NTM: variants seen among roughly 807,000 people sequenced by gnomAD.
The protein encoded by NTM is IgLON family member 2.
A neutral mutation model predicts 42.1 loss-of-function variants in NTM; 13 were observed. The observed-to-expected ratio is 0.31, with a 90% CI of 0.20 to 0.49. The LOEUF is 0.49. NTM is among the 20% of genes least tolerant of loss of function. NTM has a pLI of 0.99. For synonymous variants in NTM, 187 were observed against 179.2 expected (o/e 1.04, Z -0.35); for missense variants, 373 against 452.8 (o/e 0.82, Z 1.60).
intron 1 of NTM, among the ~76,000 whole-genome samples, chr11:131,559,858 A>G (rs2055993579): frequency 6.6e-6 from 1 of 152,176 alleles, no homozygotes. Context: ...CTTAAAGTGT[A>G]TACATCCCTT....
intron 2 of NTM, among the ~76,000 whole-genome samples, chr11:132,014,558 T>A (rs1442883691): frequency 6.6e-6 from 1 of 152,046 alleles, no homozygotes; most frequent in Non-Finnish European, 1.5e-5. Context: ...ATTTTTTGTC[T>A]TTTTGATAAT....
At chr11:131,443,895 A>G (rs1191255115) in intron 1 of NTM, among the ~76,000 whole-genome samples, 1 of 152,220 alleles carries the variant, frequency 6.6e-6, no homozygotes, top group Non-Finnish European at 1.5e-5. Context: ...AGATACCTCC[A>G]TACCTACATT....
chr11:132,089,101 A>C (rs1287662711), intron 2 of NTM, among the ~76,000 whole-genome samples: 1 of 152,204 alleles, frequency 6.6e-6, no homozygotes, highest in Admixed American at 6.5e-5. Flanking sequence ...CTTTTCTGCT[A>C]AAGTTTTGAC....
intron 1 of NTM, among the ~76,000 whole-genome samples, chr11:131,446,155 T>C (rs1322534181): frequency 2.0e-5 from 3 of 152,200 alleles, no homozygotes; most frequent in East Asian, 1.9e-4. Flanking sequence ...ATCTTATAGA[T>C]CAGAGATTTC....
chr11:131,627,143 G>A (rs145557385), intron 1 of NTM, among the ~76,000 whole-genome samples: 1 of 152,078 alleles, frequency 6.6e-6, no homozygotes, highest in Non-Finnish European at 1.5e-5. Flanking sequence ...CTTGTACCTC[G>A]AGTGCCCTGG....
At chr11:131,375,483 TC>T (rs1427294533) in intron 1 of NTM, among the ~76,000 whole-genome samples, 3 of 152,214 alleles carry the variant, frequency 2.0e-5, no homozygotes, top group African/African-American at 7.2e-5. Context: ...ATCCTAGTGT[TC>T]CTAGAAGCAT....
intron 4 of NTM, among the ~76,000 whole-genome samples, chr11:132,274,764 A>G (rs1172924293): frequency 1.3e-5 from 2 of 152,138 alleles, no homozygotes; most frequent in African/African-American, 2.4e-5. Context: ...TTATTGTGCT[A>G]TTCAATGGAG....
chr11:132,039,884 C>T (rs1176713562), intron 2 of NTM, among the ~76,000 whole-genome samples: 3 of 152,090 alleles, frequency 2.0e-5, no homozygotes, highest in South Asian at 4.2e-4. Flanking sequence ...AATTTGTGAG[C>T]GTCAACTAAG....
At chr11:131,984,385 C>T (rs2065744651) in intron 2 of NTM, 1 of 152,200 alleles carries the variant, frequency 6.6e-6, no homozygotes, top group African/African-American at 2.4e-5. Context: ...ATTGAAGATA[C>T]ACAGCAGTTA....
chr11:131,936,827 C>G (rs1379286778), intron 2 of NTM, among the ~76,000 whole-genome samples: 1 of 152,166 alleles, frequency 6.6e-6, no homozygotes, highest in African/African-American at 2.4e-5. Flanking sequence ...CAATCACTTA[C>G]TATGTATCAG....
intron 1 of NTM, among the ~76,000 whole-genome samples, chr11:131,908,129 G>A (rs189919407): frequency 6.6e-4 from 100 of 152,256 alleles, no homozygotes; most frequent in Non-Finnish European, 1.2e-3. Context: ...GCAACTGCTG[G>A]ATTGCTAAGC....
At chr11:132,153,471 T>G (rs2072447570) in intron 3 of NTM, among the ~76,000 whole-genome samples, 1 of 152,096 alleles carries the variant, frequency 6.6e-6, no homozygotes, top group Admixed American at 6.5e-5. Flanking sequence ...ATATCCAAAA[T>G]TTTCCTCATT....
chr11:132,032,436 C>G (rs999608957), intron 2 of NTM, among the ~76,000 whole-genome samples: 1 of 152,186 alleles, frequency 6.6e-6, no homozygotes, highest in Non-Finnish European at 1.5e-5. Flanking sequence ...GACCCTGGCC[C>G]CTCCCTTGAA....
At chr11:132,262,475 C>G (rs2092920589) in intron 4 of NTM, among the ~76,000 whole-genome samples, 2 of 152,234 alleles carry the variant, frequency 1.3e-5, no homozygotes, top group Admixed American at 1.3e-4. Context: ...AAGGCACTGA[C>G]AGATTCAGTG....
intron 1 of NTM, among the ~76,000 whole-genome samples, chr11:131,876,409 A>C (rs1026210699): frequency 6.6e-6 from 1 of 152,216 alleles, no homozygotes; most frequent in Non-Finnish European, 1.5e-5. Context: ...TGGCTAGTGG[A>C]TTATCCATAA....
At chr11:131,835,471 C>A (rs553628896) in intron 1 of NTM, among the ~76,000 whole-genome samples, 65 of 152,084 alleles carry the variant, frequency 4.3e-4, no homozygotes, top group African/African-American at 1.4e-3. Flanking sequence ...ACAAAGTGAT[C>A]AAAAATGTGT....
intron 1 of NTM, chr11:131,795,974 G>A (rs1333602107): frequency 1.0e-6 from 1 of 984,706 alleles, no homozygotes; most frequent in Non-Finnish European, 1.2e-6. Flanking sequence ...GGGAGGAAGG[G>A]AAAAAGGTGT....
intron 1 of NTM, among the ~76,000 whole-genome samples, chr11:131,573,055 T>C (rs982710312): frequency 2.0e-5 from 3 of 152,164 alleles, no homozygotes; most frequent in Non-Finnish European, 2.9e-5. Flanking sequence ...CCACTGACTC[T>C]GCACTCCCTC....
chr11:132,139,553 G>T (rs940045180), intron 2 of NTM, among the ~76,000 whole-genome samples: 20 of 152,168 alleles, frequency 1.3e-4, no homozygotes, highest in African/African-American at 4.8e-4. Context: ...GGTGGTAGGT[G>T]TGCTTATGGA....
Sources: allele counts gnomAD v4.1 joint callset (sites outside exome capture counted in the v4.1 genomes callset), GRCh38; gene constraint gnomAD v4.1.1; transcripts MANE v1.5; gene names NCBI Gene and HGNC (gene_info 2026-07-23, HGNC 2026-07-21).